The following SAXO4 variants were observed in gnomAD, a reference collection of about 807,000 sequenced individuals.
SAXO4 encodes protein phosphatase 1 regulatory subunit 32.
chr11:61,482,610 G>A, the SAXO4 span: 2 of 1,613,494 alleles, frequency 1.2e-6, no homozygotes, highest in Non-Finnish European at 1.7e-6. Context: ...CTTAGCAGAG[G>A]ACAGAGGCAG....
At chr11:61,490,602 C>G in the SAXO4 span, 1 of 1,599,420 alleles carries the variant, frequency 6.3e-7, no homozygotes, top group East Asian at 2.2e-5. Flanking sequence ...GCTGGGGATC[C>G]CCACACTCAG....
At chr11:61,486,830 G>A in the SAXO4 span, 1 of 939,798 alleles carries the variant, frequency 1.1e-6, no homozygotes, top group Non-Finnish European at 1.7e-6. Flanking sequence ...GGGAAGGGAG[G>A]GTCGCTGGGG....
the SAXO4 span, chr11:61,484,761 C>T: frequency 2.5e-6 from 4 of 1,612,526 alleles, no homozygotes; most frequent in Non-Finnish European, 3.4e-6. Flanking sequence ...AGGGAAGTGC[C>T]TCTGCTCCAC....
chr11:61,487,025 CGTT>C, the SAXO4 span: 10 of 1,613,982 alleles, frequency 6.2e-6, no homozygotes, highest in Admixed American at 1.5e-4. Flanking sequence ...AACAGACAAA[CGTT>C]GCCCTGCTTG....
chr11:61,482,861 A>C, the SAXO4 span: 1 of 1,510,954 alleles, frequency 6.6e-7, no homozygotes, highest in Non-Finnish European at 8.8e-7. Context: ...GGGTGGGGCT[A>C]GGGCTGCACT....
chr11:61,482,557 C>T, the SAXO4 span: 3 of 1,588,948 alleles, frequency 1.9e-6, no homozygotes, highest in South Asian at 2.2e-5. Context: ...GCACAGCGGA[C>T]CTCTGAGCCA....
At chr11:61,485,451 C>T in the SAXO4 span, 2 of 1,536,450 alleles carry the variant, frequency 1.3e-6, no homozygotes, top group East Asian at 2.3e-5. Context: ...CAATCCACCT[C>T]CCTACTTGCT....
chr11:61,485,273 G>T, the SAXO4 span: 14 of 1,450,356 alleles, frequency 9.7e-6, no homozygotes, highest in Non-Finnish European at 1.3e-5. Context: ...CCACTCCACC[G>T]CCGCCACACG....
At chr11:61,485,629 G>T in the SAXO4 span, among the ~76,000 whole-genome samples, 2 of 152,112 alleles carry the variant, frequency 1.3e-5, no homozygotes, top group African/African-American at 4.8e-5. Context: ...TCCCTCTCCT[G>T]TCCTCCGGCC....
chr11:61,486,961 GC>G, the SAXO4 span: 6 of 1,614,026 alleles, frequency 3.7e-6, no homozygotes, highest in East Asian at 1.3e-4. Flanking sequence ...CCCCCTCCCT[GC>G]CCAGAACCCA....
chr11:61,485,485 C>A, the SAXO4 span: 1 of 1,276,516 alleles, frequency 7.8e-7, no homozygotes, highest in Admixed American at 2.1e-5. Flanking sequence ...TGGAGCTGGC[C>A]TAGGACTGAG....
At chr11:61,489,883 G>C in the SAXO4 span, 80,582 of 1,613,890 alleles carry the variant, frequency 0.05, 2,298 homozygotes, top group Non-Finnish European at 0.056. Context: ...CAGCCGGTCA[G>C]CTGCATGGAG....
the SAXO4 span, chr11:61,482,335 T>G: frequency 6.2e-7 from 1 of 1,614,166 alleles, no homozygotes; most frequent in East Asian, 2.2e-5. Flanking sequence ...AAGCCCCGTG[T>G]GGGCAGTCAC....
the SAXO4 span, chr11:61,486,447 C>T: frequency 6.2e-7 from 1 of 1,612,976 alleles, no homozygotes; most frequent in Non-Finnish European, 8.5e-7. Context: ...TGGCGGGGAG[C>T]AGTTAGAACA....
At chr11:61,485,126 G>T in the SAXO4 span, among the ~76,000 whole-genome samples, 520 of 152,236 alleles carry the variant, frequency 3.4e-3, 6 homozygotes, top group African/African-American at 0.012. Context: ...GGGGTGTGAC[G>T]TGGTATTCAT....
chr11:61,487,245 G>C, the SAXO4 span: 9 of 1,612,974 alleles, frequency 5.6e-6, no homozygotes, highest in Non-Finnish European at 7.6e-6. Flanking sequence ...CCAAGGGTGA[G>C]GTCCGCTTCC....
the SAXO4 span, chr11:61,485,868 C>T: frequency 6.2e-7 from 1 of 1,614,012 alleles, no homozygotes. Context: ...CACCAGAGCC[C>T]CATTGTCTTC....
the SAXO4 span, chr11:61,481,894 G>A: frequency 2.0e-5 from 31 of 1,576,728 alleles, no homozygotes; most frequent in Non-Finnish European, 2.5e-5. Flanking sequence ...GAAATTCTAC[G>A]CCACCAGCTA....
the SAXO4 span, chr11:61,485,782 G>C: frequency 1.2e-6 from 2 of 1,605,698 alleles, no homozygotes; most frequent in Non-Finnish European, 1.7e-6. Context: ...GCAGCACACA[G>C]GGCATTTCTT....
Sources: allele counts gnomAD v4.1 joint callset (sites outside exome capture counted in the v4.1 genomes callset), GRCh38; gene constraint gnomAD v4.1.1; transcripts MANE v1.5; gene names NCBI Gene and HGNC (gene_info 2026-07-23, HGNC 2026-07-21).